Variants in UBE3C observed in about 807,000 individuals in gnomAD.
UBE3C encodes the protein ubiquitin-protein ligase E3C.
Under a neutral mutation model 129.4 loss-of-function variants are expected in UBE3C, and 42 were observed. The ratio of observed to expected loss-of-function variants is 0.32; its 90% confidence interval spans 0.25 to 0.42. UBE3C has a LOEUF of 0.42. UBE3C is among the 10% of genes least tolerant of loss of function. The probability of loss-of-function intolerance (pLI) is 1.00; values close to 1 mark genes in which losing one functional copy is unlikely to be tolerated. For synonymous variants in UBE3C, 510 were observed against 492.4 expected (o/e 1.04, Z -0.47); for missense variants, 1,049 against 1,319.1 (o/e 0.80, Z 3.17).
At chr7:157,167,169 G>T (rs945728931) in intron 2 of UBE3C, among the ~76,000 whole-genome samples, 4 of 152,122 alleles carry the variant, frequency 2.6e-5, no homozygotes, top group Non-Finnish European at 5.9e-5. Flanking sequence ...GACCTCAAGT[G>T]ATCTGCCCAC....
At chr7:157,142,141 CCT>C (rs142209101) in intron 1 of UBE3C, among the ~76,000 whole-genome samples, 2,425 of 152,278 alleles carry the variant, frequency 0.016, 27 homozygotes, top group Middle Eastern at 0.058. Flanking sequence ...ATGTTGAGCA[CCT>C]ACATATGCTT....
chr7:157,190,494 C>T (rs1808926592), intron 10 of UBE3C, among the ~76,000 whole-genome samples: 1 of 152,104 alleles, frequency 6.6e-6, no homozygotes, highest in Non-Finnish European at 1.5e-5. Context: ...TTCAAGTGCC[C>T]AGTAGCCACA....
chr7:157,195,319 T>A (rs555079453), intron 10 of UBE3C, among the ~76,000 whole-genome samples: 1 of 152,334 alleles, frequency 6.6e-6, no homozygotes, highest in African/African-American at 2.4e-5. Flanking sequence ...AACACCACTA[T>A]TTTTAACAGA....
At chr7:157,216,383 G>T (rs777140677) in intron 13 of UBE3C, among the ~76,000 whole-genome samples, 5 of 151,322 alleles carry the variant, frequency 3.3e-5, no homozygotes, top group Non-Finnish European at 4.4e-5. Flanking sequence ...TAGGTTTGGG[G>T]GTACATGTGA....
chr7:157,170,121 T>G (rs1228488728), intron 3 of UBE3C, among the ~76,000 whole-genome samples, 183 bp from the exon 4 acceptor site: 1 of 151,782 alleles, frequency 6.6e-6, no homozygotes, highest in Non-Finnish European at 1.5e-5. Context: ...TGCCTGGTTT[T>G]TTTTTTTTTT....
At chr7:157,157,415 AAAATT>A (rs1163347611) in intron 1 of UBE3C, among the ~76,000 whole-genome samples, 4 of 152,310 alleles carry the variant, frequency 2.6e-5, no homozygotes, top group African/African-American at 7.2e-5. Context: ...ATCAAATGAA[AAAATT>A]AAATGATTCA....
intron 10 of UBE3C, chr7:157,198,284 A>G: frequency 1.1e-6 from 1 of 939,102 alleles, no homozygotes; most frequent in Non-Finnish European, 1.8e-6. Context: ...TGGGCTCTTG[A>G]AGACTGCAGC....
intron 2 of UBE3C, among the ~76,000 whole-genome samples, chr7:157,168,802 G>T (rs1180592490): frequency 6.6e-6 from 1 of 152,162 alleles, no homozygotes; most frequent in Non-Finnish European, 1.5e-5. Context: ...GGCAGGAAAC[G>T]GGGGGTGACT....
chr7:157,183,431 C>T (rs1563045084), intron 8 of UBE3C, among the ~76,000 whole-genome samples: 1 of 152,182 alleles, frequency 6.6e-6, no homozygotes, highest in Non-Finnish European at 1.5e-5. Context: ...ACACTCTCGG[C>T]ACCTCCCTGT....
At chr7:157,256,051 C>T (rs532429505) in intron 21 of UBE3C, among the ~76,000 whole-genome samples, 7 of 152,164 alleles carry the variant, frequency 4.6e-5, no homozygotes, top group Non-Finnish European at 8.8e-5. Flanking sequence ...AACTGCAGCA[C>T]GGTTCTTCAA....
chr7:157,223,381 A>G lies in UBE3C; in HGVS notation c.2100+30A>G, dbSNP rs777036245. 5 of 1,576,406 alleles carry G rather than the reference A, an allele frequency of 3.2e-6. No homozygotes were observed. In the African/African-American group the frequency reaches 4.1e-5, roughly 13 times the overall value. On this transcript the variant is annotated intron_variant, in intron 16 of 22. Transcript: ENST00000348165. ...GCAATTTGGCTTCTTTATTGTCACT[A>G]CGTATCATATTAGTGTTAAGAAATT...
chr7:157,168,802 G>A (rs1180592490), intron 2 of UBE3C, among the ~76,000 whole-genome samples: 4 of 152,162 alleles, frequency 2.6e-5, no homozygotes, highest in African/African-American at 4.8e-5. Context: ...GGCAGGAAAC[G>A]GGGGGTGACT....
intron 5 of UBE3C, among the ~76,000 whole-genome samples, chr7:157,175,618 A>G (rs1412271117): frequency 6.6e-6 from 1 of 152,170 alleles, no homozygotes; most frequent in Non-Finnish European, 1.5e-5. Flanking sequence ...TGAGCCTTCC[A>G]TATAATTTCA....
At chr7:157,159,337 CAG>C (rs1161958234) in intron 1 of UBE3C, among the ~76,000 whole-genome samples, 3 of 143,558 alleles carry the variant, frequency 2.1e-5, no homozygotes, top group East Asian at 2.0e-4. Context: ...AAAAAAAAAA[CAG>C]AATTAGGATT....
chr7:157,264,066 C>T lies in UBE3C; in HGVS notation c.3082-3519C>T, dbSNP rs138764090. ...TACTACAGGTGTGAGCCAACATGCT[C>T]GGCCTGTTACACACACACACACCTG... On this transcript the variant is annotated intron_variant, in intron 22 of 22. Transcript: ENST00000348165. Among the ~76,000 whole-genome samples, 1,247 of 151,818 alleles carry T rather than the reference C, an allele frequency of 8.2e-3. 12 individuals are homozygous for T. Among genetic ancestry groups the T allele is most frequent in the African/African-American group, 0.019 (806 of 41,376 alleles).
chr7:157,144,361 TG>T (rs1354804472), intron 1 of UBE3C, among the ~76,000 whole-genome samples: 1 of 152,020 alleles, frequency 6.6e-6, no homozygotes, highest in Non-Finnish European at 1.5e-5. Flanking sequence ...GAAGATTGGA[TG>T]ATAGAGGGAA....
intron 11 of UBE3C, among the ~76,000 whole-genome samples, chr7:157,204,649 A>G (rs1261181037): frequency 6.6e-6 from 1 of 152,182 alleles, no homozygotes; most frequent in Non-Finnish European, 1.5e-5. Flanking sequence ...CATTTTCAGT[A>G]CTTGCTATTG....
At chr7:157,196,754 A>AGG (rs3837148) in intron 10 of UBE3C, among the ~76,000 whole-genome samples, 1 of 150,878 alleles carries the variant, frequency 6.6e-6, no homozygotes, top group Non-Finnish European at 1.5e-5. Flanking sequence ...GGATCACCTG[A>AGG]GGTCGGGAGT....
chr7:157,243,956 G>T (rs1447069671), intron 18 of UBE3C, among the ~76,000 whole-genome samples: 7 of 152,102 alleles, frequency 4.6e-5, no homozygotes, highest in Admixed American at 4.6e-4. Flanking sequence ...ATGTTGCCAG[G>T]CGCGGTGGCT....
Sources: allele counts gnomAD v4.1 joint callset (sites outside exome capture counted in the v4.1 genomes callset), GRCh38; gene constraint gnomAD v4.1.1; transcripts MANE v1.5; gene names NCBI Gene and HGNC (gene_info 2026-07-23, HGNC 2026-07-21).